TRIP12: variants seen among roughly 807,000 people sequenced by gnomAD.
The protein encoded by TRIP12 is thyroid hormone receptor interactor 12.
Under a neutral mutation model 244.2 loss-of-function variants are expected in TRIP12, and 25 were observed. That is an observed-to-expected ratio of 0.10 (90% CI 0.07 to 0.14). The LOEUF is 0.14. TRIP12 is among the 10% of genes least tolerant of loss of function. The pLI is 1.00. For synonymous variants in TRIP12, 905 were observed against 873.1 expected (o/e 1.04, Z -0.64); for missense variants, 1,677 against 2,486.4 (o/e 0.67, Z 6.92).
Position 229,778,634 on chromosome 2 carries a change from CAA to C in TRIP12, c.5210-49_5210-48del, listed in dbSNP as rs763111030. 2.5e-6 allele frequency: 4 copies of C among 1,581,396 alleles called. No homozygotes were observed. The highest frequency in any genetic ancestry group is 1.4e-5 in the African/African-American group (1 of 72,992). On this transcript the variant is annotated intron_variant, in intron 35 of 41. Coordinates refer to ENST00000675903, the MANE Select transcript of TRIP12 (RefSeq NM_001348323.3). The surrounding 1 kb of genome is among the most constrained non-coding windows in gnomAD (Gnocchi z 4.1). ...AAACTTCAGATGATGTTTCCAAAAA[CAA>C]AACAAAACCTGGTAACTAAGAACAT...
At chr2:229,875,164 G>A (rs2063369001) in intron 2 of TRIP12, among the ~76,000 whole-genome samples, 1 of 152,092 alleles carries the variant, frequency 6.6e-6, no homozygotes, top group Admixed American at 6.6e-5. Context: ...AATAGAAGAG[G>A]AATAAGATGC....
At chr2:229,816,364 T>C (rs914259070) in intron 9 of TRIP12, among the ~76,000 whole-genome samples, 3 of 151,086 alleles carry the variant, frequency 2.0e-5, no homozygotes, top group Non-Finnish European at 4.4e-5. Flanking sequence ...TTAATGTCAG[T>C]CACTTAAAAC....
At chr2:229,864,047 A>AGAGAGAGT in intron 2 of TRIP12, among the ~76,000 whole-genome samples, 1,002 of 79,150 alleles carry the variant, frequency 0.013, 9 homozygotes, top group Middle Eastern at 0.028. Flanking sequence ...AGAGAGAGAG[A>AGAGAGAGT]GTGTGTGTGT....
intron 1 of TRIP12, among the ~76,000 whole-genome samples, chr2:229,898,482 A>C (rs868544351): frequency 6.6e-6 from 1 of 152,208 alleles, no homozygotes; most frequent in African/African-American, 2.4e-5. Flanking sequence ...AAATTCATCT[A>C]TGCTCAAGCG....
chr2:229,922,066 C>G (rs2076698835), upstream of TRIP12: 1 of 155,986 alleles, frequency 6.4e-6, no homozygotes, highest in Non-Finnish European at 1.4e-5. Context: ...TGCTCTGACA[C>G]CCTCGGGGAA....
At chr2:229,787,159 T>A (rs1351470834) in intron 33 of TRIP12, among the ~76,000 whole-genome samples, 1 of 152,226 alleles carries the variant, frequency 6.6e-6, no homozygotes, top group Non-Finnish European at 1.5e-5. Context: ...ACATAAGGGA[T>A]CAATTTTTAA....
chr2:229,790,630 G>A (rs989073561), intron 30 of TRIP12, among the ~76,000 whole-genome samples: 3 of 152,238 alleles, frequency 2.0e-5, no homozygotes, highest in African/African-American at 7.2e-5. Context: ...TGGGGGAAGA[G>A]AGGAAAACTA....
chr2:229,788,841 T>G lies in TRIP12; in HGVS notation c.4795A>C (p.Thr1599Pro), dbSNP rs1249647044. Residue 1599 changes from threonine to proline, a missense_variant, in exon 32 of 42, where the codon ACA (threonine) becomes CCA (proline). Transcript: ENST00000675903. ...GTAAGCCATGTTGGGATGTTTCCTG[T>G]CATGATTACTAAAGGATCTTGAAGT... ...RQLQDPLVIM[T>P]GNIPTWLTEL... The G allele has an allele frequency of 6.2e-7, 1 of 1,614,124 alleles. No individual in the cohort carries two copies. Among genetic ancestry groups the G allele is most frequent in the Non-Finnish European group, 8.5e-7 (1 of 1,179,994 alleles).
intron 39 of TRIP12, among the ~76,000 whole-genome samples, chr2:229,770,939 T>C (rs573387393): frequency 6.6e-6 from 1 of 152,188 alleles, no homozygotes; most frequent in Non-Finnish European, 1.5e-5. Flanking sequence ...ATAAACCTCT[T>C]TCTTTTGTAA....
chr2:229,884,367 G>C (rs2065555384), intron 1 of TRIP12, among the ~76,000 whole-genome samples: 1 of 150,494 alleles, frequency 6.6e-6, no homozygotes, highest in African/African-American at 2.4e-5. Context: ...CTCCAGAGTA[G>C]CTGGGATTAC....
chr2:229,788,803 T>C lies in TRIP12; in HGVS notation c.4833A>G (p.Lys1611=), dbSNP rs2040716329. The C allele has an allele frequency of 3.1e-6, 5 of 1,612,450 alleles. No individual in the cohort carries two copies. Among genetic ancestry groups the C allele is most frequent in the Non-Finnish European group, 4.2e-6 (5 of 1,179,694 alleles). ...NIPTWLTELG[K]TCPFFFPFDT... Reference sequence around the variant, plus strand: ...TACAGAAGTGATTGTCTTACCAGGTTTTTCCTAGCTCAGTAAGCCATGTTG... The same window carrying C: ...TACAGAAGTGATTGTCTTACCAGGTCTTTCCTAGCTCAGTAAGCCATGTTG... The change falls in exon 32 of 42, where the codon AAA becomes AAG. Residue 1611 remains lysine (K), a synonymous_variant. Transcript: ENST00000675903.
At chr2:229,819,584 T>C (rs900320896) in intron 8 of TRIP12, among the ~76,000 whole-genome samples, 2 of 152,206 alleles carry the variant, frequency 1.3e-5, no homozygotes, top group African/African-American at 2.4e-5. Flanking sequence ...AGTCTATGAA[T>C]GTGTTTCATT....
chr2:229,829,266 A>G lies in TRIP12; in HGVS notation c.1377T>C (p.Leu459=). 1 of 1,613,484 alleles carries G rather than the reference A, an allele frequency of 6.2e-7. No individual in the cohort carries two copies. Among genetic ancestry groups the G allele is most frequent in the Non-Finnish European group, 8.5e-7 (1 of 1,179,762 alleles). Residue 459 remains leucine (L), a synonymous_variant, in exon 8 of 42, where the codon CTT becomes CTC. Coordinates refer to ENST00000675903, the MANE Select transcript of TRIP12 (RefSeq NM_001348323.3). The part of the protein sequence containing the change: ...RLQALLEARG[L]PPHLFGPLGP... ...CAAGAGGACCAAATAGGTGAGGGGG[A>G]AGACCCCTTGCCTCTAACAAAGCTA...
chr2:229,909,089 CAA>C (rs11390500), intron 1 of TRIP12, among the ~76,000 whole-genome samples: 8 of 110,670 alleles, frequency 7.2e-5, no homozygotes, highest in African/African-American at 7.2e-5. Context: ...GACTCTGTCT[CAA>C]AAAAAAAAAA....
intron 20 of TRIP12, 53 bp from the exon 21 acceptor site, chr2:229,802,512 T>C (rs758622631): frequency 6.7e-6 from 9 of 1,337,152 alleles, no homozygotes; most frequent in Non-Finnish European, 9.4e-6. Context: ...AGTAGAACCT[T>C]CTCCCCACCA....
chr2:229,769,410 A>G (rs1574662764), intron 39 of TRIP12, 85 bp from the exon 40 acceptor site: 1 of 1,241,146 alleles, frequency 8.1e-7, no homozygotes, highest in Non-Finnish European at 1.2e-6. Flanking sequence ...TGTACCATAA[A>G]AGAGTATCAG....
rs1222219820 is a variant in TRIP12 at position 229,791,112 on chromosome 2, C to G, written c.4543+12G>C. On this transcript the variant is annotated intron_variant, in intron 30 of 41. Coordinates refer to ENST00000675903, the MANE Select transcript of TRIP12 (RefSeq NM_001348323.3). ...GTTGGCAATCCATTTTCCCCTTTAT[C>G]TACCATCTTACCGTGCCATAACTCA... 4 of 1,613,780 alleles carry G rather than the reference C, an allele frequency of 2.5e-6. No individual in the cohort carries two copies. The highest frequency in any genetic ancestry group is 2.5e-6 in the Non-Finnish European group (3 of 1,179,834).
intron 2 of TRIP12, among the ~76,000 whole-genome samples, chr2:229,869,786 T>C (rs1338815444): frequency 6.6e-6 from 1 of 152,174 alleles, no homozygotes; most frequent in Non-Finnish European, 1.5e-5. Flanking sequence ...AGTGGAATAA[T>C]CAATCCTAGA....
In TRIP12 at chr2:229,793,153, T is replaced by C; in HGVS notation, c.3969-8A>G. The C allele has an allele frequency of 5.0e-6, 8 of 1,602,792 alleles. No individual in the cohort carries two copies. The highest frequency in any genetic ancestry group is 6.0e-6 in the Non-Finnish European group (7 of 1,176,316). On this transcript the variant is annotated splice_polypyrimidine_tract_variant and splice_region_variant and intron_variant, in intron 26 of 41. Coordinates refer to ENST00000675903, the MANE Select transcript of TRIP12 (RefSeq NM_001348323.3). Reference sequence around the variant, plus strand: ...CCTCTGTTGAGAGAAAAGCTCAAGATAATTTGTGAAAAAAAAGTTAGTCTA... The same window carrying C: ...CCTCTGTTGAGAGAAAAGCTCAAGACAATTTGTGAAAAAAAAGTTAGTCTA...
Sources: gnomAD v4.1 joint callset for allele counts (sites outside exome capture counted in the v4.1 genomes callset) on GRCh38, gnomAD v4.1.1 for gene constraint, Gnocchi (gnomAD v3.1) non-coding constraint, MANE v1.5 for transcripts, NCBI Gene and HGNC (gene_info 2026-07-23, HGNC 2026-07-21) for gene names.